TMEM143: variants seen among roughly 807,000 people sequenced by gnomAD.
TMEM143 encodes the protein transmembrane protein 143.
Under a neutral mutation model 40.3 loss-of-function variants are expected in TMEM143, and 45 were observed. That is an observed-to-expected ratio of 1.12 (90% CI 0.88 to 1.43). TMEM143 has a LOEUF of 1.43. Among genes scored for constraint, TMEM143 ranks in the 40% most tolerant of loss-of-function variants. The probability of loss-of-function intolerance (pLI) is 0.00; values close to 1 mark genes in which losing one functional copy is unlikely to be tolerated. For synonymous variants in TMEM143, 299 were observed against 282.7 expected (o/e 1.06, Z -0.58); for missense variants, 620 against 613.4 (o/e 1.01, Z -0.11).
In TMEM143 at chr19:48,342,731, C is replaced by A. The variant is rs747445309; in HGVS notation, c.774G>T (p.Pro258=). The A allele has an allele frequency of 3.7e-6, 6 of 1,614,126 alleles. No individual in the cohort carries two copies. The highest frequency in any genetic ancestry group is 4.2e-6 in the Non-Finnish European group (5 of 1,179,996). The change falls in exon 6 of 8, where the codon CCG becomes CCT. Residue 258 remains proline (P), a synonymous_variant. Coordinates refer to ENST00000293261, the MANE Select transcript of TMEM143 (RefSeq NM_018273.4). ...GCAGCAGCTGCTCCAGGCCTTCCAG[C>A]GGCGTGTCCTTGAAACTCTTCAGTA... The part of the protein sequence containing the change: ...HLVLKSFKDT[P]LEGLEQLLPE...
intron 2 of TMEM143, among the ~76,000 whole-genome samples, chr19:48,362,661 G>T (rs1297350328): frequency 5.9e-5 from 9 of 152,186 alleles, no homozygotes; most frequent in East Asian, 3.8e-4. Context: ...GGCACCCAAG[G>T]GTGCAAAATT....
chr19:48,343,261 CCCCTCTTGACTCTAACCTTGCT>C, intron 5 of TMEM143, 38 bp downstream of exon 5: 1 of 1,558,872 alleles, frequency 6.4e-7, no homozygotes, highest in South Asian at 1.2e-5. Context: ...ACCTGTCAGT[CCCCTCTTGACTCTAACCTTGCT>C]CCCTCTTGCT....
intron 6 of TMEM143, among the ~76,000 whole-genome samples, chr19:48,334,521 CTCTT>C (rs1419740895): frequency 5.7e-4 from 72 of 125,910 alleles, no homozygotes; most frequent in Middle Eastern, 4.1e-3. Context: ...TTCTTTCTTT[CTCTT>C]TCTTTCTTTT....
chr19:48,356,541 T>C (rs1226227787), intron 3 of TMEM143, among the ~76,000 whole-genome samples: 1 of 150,004 alleles, frequency 6.7e-6, no homozygotes. Context: ...AGCGATCTCC[T>C]GCCTCAGCCT....
intron 2 of TMEM143, among the ~76,000 whole-genome samples, chr19:48,362,563 C>T (rs545763495): frequency 6.6e-6 from 1 of 152,100 alleles, no homozygotes; most frequent in Non-Finnish European, 1.5e-5. Context: ...TAATAATCCT[C>T]AAAATCCTCA....
In TMEM143 at chr19:48,360,159, C is replaced by G. The variant is rs761556996; in HGVS notation, c.282G>C (p.Pro94=). 6.2e-7 allele frequency: 1 copy of G among 1,614,010 alleles called. No homozygotes were observed. The highest frequency in any genetic ancestry group is 8.5e-7 in the Non-Finnish European group (1 of 1,180,008). The change falls in exon 3 of 8, where the codon CCG becomes CCC. Residue 94 remains proline (P), a synonymous_variant. Transcript: ENST00000293261. ...ACGCCTCCAAAGCCGCCTTCTCTGC[C>G]GGACTCGAGTGGAATTCCTGTTACC... ...RLLIQEFHSS[P]AEKAALEAFS...
chr19:48,347,126 C>T (rs1416451545), intron 3 of TMEM143, among the ~76,000 whole-genome samples: 3 of 152,160 alleles, frequency 2.0e-5, no homozygotes, highest in African/African-American at 7.2e-5. Flanking sequence ...AGTTGCCTAG[C>T]CTATTTTGCT....
At chr19:48,356,660 C>T (rs149736426) in intron 3 of TMEM143, among the ~76,000 whole-genome samples, 2,398 of 142,736 alleles carry the variant, frequency 0.017, 66 homozygotes, top group African/African-American at 0.059. Flanking sequence ...TGCAATGGTG[C>T]GATCTTGGCT....
At chr19:48,343,724 C>T (rs1969563270) in intron 4 of TMEM143, among the ~76,000 whole-genome samples, 1 of 152,120 alleles carries the variant, frequency 6.6e-6, no homozygotes, top group Admixed American at 6.6e-5. Context: ...TTTTATGAAG[C>T]AACTAAAAAC....
rs1461750687 is a variant in TMEM143, at chr19:48,332,647, C to G, written c.*572G>C. The G allele has an allele frequency of 2.0e-5, 3 of 152,252 alleles. No homozygotes were observed. Among genetic ancestry groups the G allele is most frequent in the Non-Finnish European group, 2.9e-5 (2 of 68,062 alleles). 9.4% of individuals were successfully genotyped at this position (152,252 alleles called of 1,614,324 possible). A position where few individuals can be genotyped will look rare whatever the true frequency, so the allele number is the denominator to read the frequency against. On this transcript the variant is annotated 3_prime_UTR_variant, in exon 8 of 8. Coordinates refer to ENST00000293261, the MANE Select transcript of TMEM143 (RefSeq NM_018273.4). ...ACCAGTTGGCCTGCCATTTAAGCAG[C>G]AGCAATTGATAGCAAGATCAGGTTT...
Position 48,345,319 on chromosome 19 carries a change from G to T in TMEM143, c.405C>A (p.Thr135=). The T allele has an allele frequency of 1.3e-6, 2 of 1,591,034 alleles. No individual in the cohort carries two copies. The highest frequency in any genetic ancestry group is 8.6e-7 in the Non-Finnish European group (1 of 1,169,378). The stretch of plus-strand genomic sequence containing the variant: ...GATCCGTTAGTGATGGCTGATCGAG[G>T]GTCTCCCTGTCAGGGTTGATGGGGT... The part of the protein sequence containing the change: ...LYDPINPDRE[T]LDQPSLTDPQ... The change falls in exon 4 of 8, where the codon ACC becomes ACA. Residue 135 remains threonine, a synonymous_variant. Coordinates refer to ENST00000293261, the MANE Select transcript of TMEM143 (RefSeq NM_018273.4).
Position 48,333,724 on chromosome 19 carries a change from G to A in TMEM143, c.1165+284C>T, listed in dbSNP as rs1036607027. 6.6e-6 allele frequency among the ~76,000 whole-genome samples: 1 copy of A among 152,180 alleles called. No individual in the cohort carries two copies. Among genetic ancestry groups the A allele is most frequent in the Admixed American group, 6.5e-5 (1 of 15,276 alleles). ...TGGAGCCCACACAGGGAGCGCGCAG[G>A]ATCTCTTGTAGGGAGAGTGTCAGCT... is the stretch of plus-strand genomic sequence containing the variant. On this transcript the variant is annotated intron_variant, in intron 7 of 7. Transcript: ENST00000293261. The surrounding 1 kb of genome is among the most constrained non-coding windows in gnomAD (Gnocchi z 4.1).
At chr19:48,343,521 T>A in intron 4 of TMEM143, 70 bp from the exon 5 acceptor site, 2 of 1,499,178 alleles carry the variant, frequency 1.3e-6, no homozygotes, top group Non-Finnish European at 1.8e-6. Flanking sequence ...GATACCAGAA[T>A]CAGATGTCCT....
chr19:48,360,483 CT>C, intron 2 of TMEM143: 1 of 300,290 alleles, frequency 3.3e-6, no homozygotes, highest in South Asian at 3.0e-5. Context: ...GAGGCTGAAG[CT>C]GGAGAATTGC....
At chr19:48,345,406 T>G in intron 3 of TMEM143, 52 bp from the exon 4 acceptor site, 2 of 1,355,706 alleles carry the variant, frequency 1.5e-6, no homozygotes, top group Non-Finnish European at 2.0e-6. Context: ...GCATGAAGGA[T>G]TCTAGGGACA....
chr19:48,351,195 C>T (rs1969765252), intron 3 of TMEM143, among the ~76,000 whole-genome samples: 1 of 152,130 alleles, frequency 6.6e-6, no homozygotes, highest in African/African-American at 2.4e-5. Context: ...CAAACCTGCT[C>T]CTCTCAGCCT....
chr19:48,352,257 A>AAAAAAAAAAAC (rs1569033875), intron 3 of TMEM143, among the ~76,000 whole-genome samples: 3 of 144,562 alleles, frequency 2.1e-5, no homozygotes, highest in Non-Finnish European at 4.6e-5. Context: ...AAAAAAAAAA[A>AAAAAAAAAAAC]AAAAACACCA....
At position 48,332,826 on chromosome 19, in the gene TMEM143, G is replaced by A. The variant is rs907156074; in HGVS notation, c.*393C>T. 6 of 160,616 alleles carry A rather than the reference G, an allele frequency of 3.7e-5. No homozygotes were observed. Among genetic ancestry groups the A allele is most frequent in the African/African-American group, 1.4e-4 (6 of 41,800 alleles). The allele number at this position is 160,616 out of a possible 1,614,324, so 9.9% of individuals were successfully genotyped here. ...AGTTTGCCCGGAGCGGGCTGAAAAA[G>A]ACAATGATATATAGTCTCGGGAGGG... On this transcript the variant is annotated 3_prime_UTR_variant, in exon 8 of 8. Coordinates refer to ENST00000293261, the MANE Select transcript of TMEM143 (RefSeq NM_018273.4).
chr19:48,333,414 C>T lies in TMEM143; in HGVS notation c.1185G>A (p.Arg395=), dbSNP rs1390807799. Residue 395 remains arginine, a synonymous_variant, in exon 8 of 8, where the codon CGG becomes CGA. Coordinates refer to ENST00000293261, the MANE Select transcript of TMEM143 (RefSeq NM_018273.4). This position sits in a 1 kb window ranked among gnomAD's most constrained non-coding sequence, Gnocchi z 4.1. ...CTAGGAGCCAGTTCTCCACCTCCGACCGGAGCCACCTGGAGGTCTCTGCAA... is the reference window on the plus strand; with the variant it reads ...CTAGGAGCCAGTTCTCCACCTCCGATCGGAGCCACCTGGAGGTCTCTGCAA... The part of the protein sequence containing the change: ...GSPEETSRWL[R]SEVENWLLAK... 2.5e-6 allele frequency: 4 copies of T among 1,598,872 alleles called. No homozygotes were observed. The South Asian group carries it at 3.4e-5, about 13-fold the overall frequency.
Sources: allele counts gnomAD v4.1 joint callset (sites outside exome capture counted in the v4.1 genomes callset), GRCh38; gene constraint gnomAD v4.1.1; non-coding constraint Gnocchi (gnomAD v3.1); transcripts MANE v1.5; gene names NCBI Gene and HGNC (gene_info 2026-07-23, HGNC 2026-07-21).